The following CSMD1 variants were observed in gnomAD, a reference collection of about 807,000 sequenced individuals.
The protein encoded by CSMD1 is CUB and sushi domain-containing protein 1.
In CSMD1, 213 loss-of-function variants were observed where a neutral mutation model predicts 417.5. The observed-to-expected ratio is 0.51, with a 90% CI of 0.46 to 0.57. The LOEUF is 0.57. Among genes scored for constraint, CSMD1 ranks in the 20% least tolerant of loss-of-function variants. CSMD1 has a pLI of 0.00. For missense variants in CSMD1, 6,923 were observed against 4,529.7 expected (o/e 1.53, Z -15.17); for synonymous variants, 2,862 against 1,736.8 (o/e 1.65, Z -16.11).
At chr8:4,436,205 T>A (rs1798140926) in intron 2 of CSMD1, among the ~76,000 whole-genome samples, 2 of 152,196 alleles carry the variant, frequency 1.3e-5, no homozygotes, top group Non-Finnish European at 2.9e-5. Context: ...TTTAGGCTTC[T>A]TATGCCTCAT....
intron 5 of CSMD1, among the ~76,000 whole-genome samples, chr8:3,872,433 A>C (rs902739317): frequency 1.3e-5 from 2 of 152,162 alleles, no homozygotes; most frequent in Admixed American, 6.5e-5. Context: ...GTTAAAACGC[A>C]TTATCCGAAG....
chr8:3,978,189 G>C (rs1034793728), intron 5 of CSMD1, among the ~76,000 whole-genome samples: 6 of 152,154 alleles, frequency 3.9e-5, no homozygotes, highest in African/African-American at 1.4e-4. Flanking sequence ...CAGGACTCCT[G>C]TTATTACCAA....
intron 3 of CSMD1, among the ~76,000 whole-genome samples, chr8:4,224,773 A>C (rs1190981645): frequency 6.6e-6 from 1 of 152,176 alleles, no homozygotes; most frequent in South Asian, 2.1e-4. Context: ...GTAGTACTCA[A>C]AACTCTTAAA....
In CSMD1 at chr8:3,827,311, T is replaced by C. The variant is rs570616396; in HGVS notation, c.819-73269A>G. On this transcript the variant is annotated intron_variant, in intron 5 of 69. Coordinates refer to ENST00000635120, the MANE Select transcript of CSMD1 (RefSeq NM_033225.6). Reference sequence around the variant, plus strand: ...ACCACATGTGGTTAGAGTCAAAGGCTCTATATAAAAGAATTAAACAAAATT... The same window carrying C: ...ACCACATGTGGTTAGAGTCAAAGGCCCTATATAAAAGAATTAAACAAAATT... Among the ~76,000 whole-genome samples the C allele has an allele frequency of 2.0e-5, 3 of 152,298 alleles. No individual in the cohort carries two copies. The East Asian group carries it at 5.8e-4, about 29-fold the overall frequency.
chr8:4,332,034 C>G (rs1799894924), intron 3 of CSMD1, among the ~76,000 whole-genome samples: 1 of 151,996 alleles, frequency 6.6e-6, no homozygotes, highest in African/African-American at 2.4e-5. Context: ...ATGATGGATG[C>G]TTGTGGTTTT....
At chr8:4,242,245 T>C (rs1419102940) in intron 3 of CSMD1, among the ~76,000 whole-genome samples, 2 of 152,182 alleles carry the variant, frequency 1.3e-5, no homozygotes, top group African/African-American at 4.8e-5. Flanking sequence ...TTTGCCAATC[T>C]TTATAAACAT....
At chr8:3,093,814 C>A (rs1563332054) in intron 47 of CSMD1, among the ~76,000 whole-genome samples, 1 of 152,112 alleles carries the variant, frequency 6.6e-6, no homozygotes, top group Non-Finnish European at 1.5e-5. Flanking sequence ...TGACTTTGGT[C>A]AGAGAGAAGG....
intron 5 of CSMD1, among the ~76,000 whole-genome samples, chr8:3,900,239 C>G (rs900967636): frequency 2.7e-5 from 4 of 145,966 alleles, no homozygotes. Context: ...AACAGTGGAG[C>G]TGGGTAACAG....
In CSMD1 at chr8:2,938,259, G is replaced by A; in HGVS notation, c.*326C>T. 1 of 251,396 alleles carries A rather than the reference G, an allele frequency of 4.0e-6. No homozygotes were observed. Among genetic ancestry groups the A allele is most frequent in the Non-Finnish European group, 7.5e-6 (1 of 132,546 alleles). 15.6% of individuals were successfully genotyped at this position (251,396 alleles called of 1,614,324 possible). On this transcript the variant is annotated 3_prime_UTR_variant, in exon 70 of 70. Transcript: ENST00000635120. The stretch of plus-strand genomic sequence containing the variant: ...GACGATTGCATTGAAAGGCATCTCA[G>A]CAACACAGAAATATGAAAGTCTGAG...
intron 3 of CSMD1, among the ~76,000 whole-genome samples, chr8:4,162,039 G>C (rs1029111066): frequency 6.6e-6 from 1 of 152,116 alleles, no homozygotes; most frequent in African/African-American, 2.4e-5. Context: ...GCTAAACTAA[G>C]CAATTTCCCT....
chr8:3,868,357 G>C (rs1805248651), intron 5 of CSMD1, among the ~76,000 whole-genome samples: 1 of 152,018 alleles, frequency 6.6e-6, no homozygotes, highest in African/African-American at 2.4e-5. Flanking sequence ...TCTCCCTAAA[G>C]TCTCCAGTAG....
rs559272771 is a variant in CSMD1, at chr8:3,481,092, C to A, written c.1449-12268G>T. Among the ~76,000 whole-genome samples, 8 of 140,826 alleles carry A rather than the reference C, an allele frequency of 5.7e-5. No homozygotes were observed. In the South Asian group the frequency reaches 1.9e-3, roughly 34 times the overall value. The allele number at this position is 140,826 out of a possible 152,430, so 92.4% of individuals were successfully genotyped here. ...AGTGCTTTGAACCCAGAAGGCGGAGCTTGCAGTGAGCCCAGATTAGCCACT... is the reference window on the plus strand; with the variant it reads ...AGTGCTTTGAACCCAGAAGGCGGAGATTGCAGTGAGCCCAGATTAGCCACT... On this transcript the variant is annotated intron_variant, in intron 11 of 69. Coordinates refer to ENST00000635120, the MANE Select transcript of CSMD1 (RefSeq NM_033225.6).
At chr8:4,991,540 G>T (rs1387712615) in intron 1 of CSMD1, among the ~76,000 whole-genome samples, 2 of 152,160 alleles carry the variant, frequency 1.3e-5, no homozygotes, top group Admixed American at 1.3e-4. Flanking sequence ...AGCGGGAGCC[G>T]CCACCCGGGC....
At chr8:4,674,442 G>C (rs759013300) in intron 1 of CSMD1, among the ~76,000 whole-genome samples, 18 of 152,108 alleles carry the variant, frequency 1.2e-4, no homozygotes, top group Non-Finnish European at 2.5e-4. Context: ...GGATGGGAAG[G>C]TCTCAAACAC....
At chr8:4,324,522 C>T (rs578124472) in intron 3 of CSMD1, among the ~76,000 whole-genome samples, 25 of 152,274 alleles carry the variant, frequency 1.6e-4, no homozygotes, top group Middle Eastern at 6.8e-3. Flanking sequence ...GGTTCTTCTC[C>T]ACCCCCAGGA....
chr8:3,949,395 A>G (rs1811452028), intron 5 of CSMD1, among the ~76,000 whole-genome samples: 1 of 152,186 alleles, frequency 6.6e-6, no homozygotes, highest in Admixed American at 6.5e-5. Context: ...TTTACTTCTC[A>G]GACTATTCTA....
chr8:3,274,417 GGA>G (rs1002265134), intron 26 of CSMD1, among the ~76,000 whole-genome samples: 5 of 152,126 alleles, frequency 3.3e-5, no homozygotes, highest in Non-Finnish European at 5.9e-5. Context: ...GATTTGGGGT[GGA>G]GAGTTCTGTA....
chr8:4,702,473 G>T (rs974577756), intron 1 of CSMD1, among the ~76,000 whole-genome samples: 1 of 152,062 alleles, frequency 6.6e-6, no homozygotes, highest in Non-Finnish European at 1.5e-5. Context: ...GTCCCCTTCA[G>T]TCAAAATGTT....
At chr8:3,686,686 T>C (rs2129030988) in intron 7 of CSMD1, among the ~76,000 whole-genome samples, 1 of 152,332 alleles carries the variant, frequency 6.6e-6, no homozygotes, top group East Asian at 1.9e-4. Flanking sequence ...GTCACTTCTC[T>C]AGCCGATCCC....
Sources: gnomAD v4.1 joint callset for allele counts (sites outside exome capture counted in the v4.1 genomes callset) on GRCh38, gnomAD v4.1.1 for gene constraint, MANE v1.5 for transcripts, NCBI Gene and HGNC (gene_info 2026-07-23, HGNC 2026-07-21) for gene names.